The following SLC35F2 variants were observed in gnomAD, a reference collection of about 807,000 sequenced individuals.
The protein encoded by SLC35F2 is solute carrier family 35 member F2.
A neutral mutation model predicts 38.1 loss-of-function variants in SLC35F2; 25 were observed. That is an observed-to-expected ratio of 0.66 (90% CI 0.48 to 0.92). The LOEUF (loss-of-function observed/expected upper bound fraction) is 0.92, where lower values mean the gene tolerates loss of function less well. SLC35F2 is among the 40% of genes least tolerant of loss of function. SLC35F2 has a pLI of 0.00. For synonymous variants in SLC35F2, 173 were observed against 181.7 expected (o/e 0.95, Z 0.38); for missense variants, 409 against 452.9 (o/e 0.90, Z 0.88).
Position 107,803,058 on chromosome 11 carries a change from G to T in SLC35F2, c.882C>A (p.Gly294=). The T allele has an allele frequency of 1.9e-6, 3 of 1,614,018 alleles. No homozygotes were observed. Among genetic ancestry groups the T allele is most frequent in the Non-Finnish European group, 2.5e-6 (3 of 1,179,978 alleles). The change falls in exon 7 of 8, where the codon GGC becomes GGA. Residue 294 remains glycine, a synonymous_variant. Transcript: ENST00000525815. ...GGCTGTAGAGGTCCGCTGTCAGGAT[G>T]CCCAGGTTGACGGAAGTGGCACTAG... ...KVTSATSVNL[G]ILTADLYSLF... is the part of the protein sequence containing the mutation.
intron 1 of SLC35F2, among the ~76,000 whole-genome samples, chr11:107,827,569 C>T (rs1216267875): frequency 4.0e-5 from 6 of 151,602 alleles, no homozygotes; most frequent in Admixed American, 1.3e-4. Flanking sequence ...GCCACCATGG[C>T]GAAACCCCAT....
intron 3 of SLC35F2, chr11:107,810,568 A>G: frequency 1.0e-6 from 1 of 985,310 alleles, no homozygotes; most frequent in Admixed American, 6.1e-5. Context: ...TTCTCTAGGT[A>G]ACTGCTGGGT....
intron 1 of SLC35F2, among the ~76,000 whole-genome samples, chr11:107,830,798 G>A (rs1859827755): frequency 6.6e-6 from 1 of 151,654 alleles, no homozygotes; most frequent in Non-Finnish European, 1.5e-5. Flanking sequence ...CAGAAGTTCA[G>A]GTGTCTGATT....
chr11:107,792,733 G>A lies in SLC35F2; in HGVS notation c.1007C>T (p.Pro336Leu). Residue 336 changes from proline to leucine, a missense_variant, in exon 8 of 8, where the codon CCT (proline) becomes CTT (leucine). By Grantham distance (98) the Pro-to-Leu change is moderately conservative. Transcript: ENST00000525815. Reference protein sequence around the residue: ...MVGFILYCSTPTRTAEPAESS... With the variant: ...MVGFILYCSTLTRTAEPAESS... Reference sequence around the variant, plus strand: ...TTCAGCCGGCTCGGCCGTGCGAGTAGGGGTGGAGCAGTACAGGATAAACCC... The same window carrying A: ...TTCAGCCGGCTCGGCCGTGCGAGTAAGGGTGGAGCAGTACAGGATAAACCC... The A allele has an allele frequency of 1.2e-6, 2 of 1,613,906 alleles. No individual in the cohort carries two copies. Among genetic ancestry groups the A allele is most frequent in the Non-Finnish European group, 1.7e-6 (2 of 1,179,936 alleles).
At chr11:107,823,689 G>A (rs571131247) in intron 1 of SLC35F2, among the ~76,000 whole-genome samples, 7 of 152,184 alleles carry the variant, frequency 4.6e-5, no homozygotes, top group Non-Finnish European at 8.8e-5. Flanking sequence ...AGCACTTTGG[G>A]AAGCAGAGGT....
At chr11:107,831,935 C>G (rs1466532818) in intron 1 of SLC35F2, among the ~76,000 whole-genome samples, 3 of 152,178 alleles carry the variant, frequency 2.0e-5, no homozygotes, top group African/African-American at 7.2e-5. Flanking sequence ...CACAGTCTCA[C>G]TATTTAATGA....
intron 1 of SLC35F2, among the ~76,000 whole-genome samples, chr11:107,850,957 G>A (rs1229274760): frequency 6.6e-6 from 1 of 152,030 alleles, no homozygotes; most frequent in Non-Finnish European, 1.5e-5. Flanking sequence ...CGACTAGCCT[G>A]GCCAACATGG....
Position 107,858,641 on chromosome 11 carries a change from A to G in SLC35F2, c.110+17T>C, listed in dbSNP as rs1860337531. ...CCCCACGCCCCAGCGGAGCTGCAGC[A>G]CGCCCCTTCCACTCACCAGGTGAAG... On this transcript the variant is annotated intron_variant, in intron 1 of 7. Coordinates refer to ENST00000525815, the MANE Select transcript of SLC35F2 (RefSeq NM_017515.5). 7.8e-7 allele frequency: 1 copy of G among 1,280,112 alleles called. No homozygotes were observed. Among genetic ancestry groups the G allele is most frequent in the Non-Finnish European group, 9.9e-7 (1 of 1,005,668 alleles). The allele number at this position is 1,280,112 out of a possible 1,614,324, so 79.3% of individuals were successfully genotyped here. A position where few individuals can be genotyped will look rare whatever the true frequency, so the allele number is the denominator to read the frequency against.
rs556900144 is a variant in SLC35F2 at position 107,838,929 on chromosome 11, G to A, written c.110+19729C>T. Among the ~76,000 whole-genome samples the A allele has an allele frequency of 6.6e-5, 10 of 152,114 alleles. No individual in the cohort carries two copies. In the South Asian group the frequency reaches 1.7e-3, roughly 25 times the overall value. ...CAGGCATGAGCCACCACACCTGGCC[G>A]ATAAGTTTCTCTTAAATATCACAAA... On this transcript the variant is annotated intron_variant, in intron 1 of 7. Transcript: ENST00000525815.
intron 1 of SLC35F2, among the ~76,000 whole-genome samples, chr11:107,843,903 ATATATG>A (rs1399770949): frequency 2.1e-4 from 27 of 128,040 alleles, no homozygotes; most frequent in African/African-American, 7.6e-4. Flanking sequence ...ATATATATAT[ATATATG>A]TATATTAATT....
chr11:107,811,189 G>A (rs1386945357), intron 3 of SLC35F2: 1 of 984,940 alleles, frequency 1.0e-6, no homozygotes, highest in Non-Finnish European at 1.2e-6. Context: ...AATGCAGCAA[G>A]AATAAACCTA....
intron 1 of SLC35F2, among the ~76,000 whole-genome samples, chr11:107,846,758 CCT>C (rs1045179498): frequency 1.3e-5 from 2 of 151,880 alleles, no homozygotes; most frequent in African/African-American, 2.4e-5. Flanking sequence ...ACGGTCAAAC[CCT>C]CTCTCTACAA....
chr11:107,802,926 A>G (rs990976205), intron 7 of SLC35F2, 75 bp downstream of exon 7: 1 of 1,365,806 alleles, frequency 7.3e-7, no homozygotes, highest in Non-Finnish European at 9.8e-7. Context: ...TTTTTGATCT[A>G]GAGTCTTGAA....
intron 1 of SLC35F2, among the ~76,000 whole-genome samples, chr11:107,847,511 A>T (rs1057315189): frequency 6.6e-6 from 1 of 152,182 alleles, no homozygotes. Context: ...CATACATATC[A>T]TGGGAGGAAT....
intron 3 of SLC35F2, chr11:107,810,662 C>A (rs1465930113): frequency 1.0e-6 from 1 of 985,282 alleles, no homozygotes; most frequent in Non-Finnish European, 1.2e-6. Flanking sequence ...AGCTTTTTAA[C>A]CCATACTGGT....
At chr11:107,856,099 C>T (rs1192703348) in intron 1 of SLC35F2, among the ~76,000 whole-genome samples, 2 of 129,564 alleles carry the variant, frequency 1.5e-5, no homozygotes, top group African/African-American at 3.1e-5. Context: ...GAGCAAAACT[C>T]TGTCTCAAAA....
At chr11:107,802,929 G>T in intron 7 of SLC35F2, 72 bp downstream of exon 7, 3 of 1,409,254 alleles carry the variant, frequency 2.1e-6, no homozygotes, top group Non-Finnish European at 2.9e-6. Flanking sequence ...TTGATCTAGA[G>T]TCTTGAAGAA....
chr11:107,829,296 G>C (rs1164875046), intron 1 of SLC35F2, among the ~76,000 whole-genome samples: 1 of 151,998 alleles, frequency 6.6e-6, no homozygotes, highest in Non-Finnish European at 1.5e-5. Context: ...GCAGGTGCCT[G>C]TGATCCCAGC....
rs545987286 is a variant in SLC35F2, at chr11:107,839,351, C to T, written c.110+19307G>A. ...TGGCACATGCTTGTAATCCCAGCTA[C>T]TCAAGAGGCTGAGGTGGGAGGATCA... On this transcript the variant is annotated intron_variant, in intron 1 of 7. Coordinates refer to ENST00000525815, the MANE Select transcript of SLC35F2 (RefSeq NM_017515.5). 2.4e-3 allele frequency among the ~76,000 whole-genome samples: 371 copies of T among 152,252 alleles called. 2 individuals carry two copies. The highest frequency in any genetic ancestry group is 7.7e-3 in the African/African-American group (318 of 41,552).
Sources: allele counts gnomAD v4.1 joint callset (sites outside exome capture counted in the v4.1 genomes callset), GRCh38; gene constraint gnomAD v4.1.1; transcripts MANE v1.5; gene names NCBI Gene and HGNC (gene_info 2026-07-23, HGNC 2026-07-21).